MYO16: variants seen among roughly 807,000 people sequenced by gnomAD.
MYO16 encodes the protein unconventional myosin-XVI.
MYO16 carries 94 observed loss-of-function variants against 205.3 expected under a neutral mutation model. The ratio of observed to expected loss-of-function variants is 0.46; its 90% CI spans 0.39 to 0.54. The LOEUF (loss-of-function observed/expected upper bound fraction) is 0.54. Among genes scored for constraint, MYO16 ranks in the 20% least tolerant of loss-of-function variants. The probability of loss-of-function intolerance (pLI) is 0.00; values close to 1 mark genes in which losing one functional copy is unlikely to be tolerated. For missense variants in MYO16, 2,315 were observed against 2,387.5 expected (o/e 0.97, Z 0.63); for synonymous variants, 988 against 954.0 (o/e 1.04, Z -0.66).
intron 10 of MYO16, among the ~76,000 whole-genome samples, chr13:108,851,321 T>G (rs1396099967): frequency 6.6e-6 from 1 of 152,204 alleles, no homozygotes; most frequent in Non-Finnish European, 1.5e-5. Flanking sequence ...GGGGGTTGTC[T>G]ATATGTGTGT....
intron 16 of MYO16, among the ~76,000 whole-genome samples, chr13:108,927,586 T>G (rs2139281937): frequency 6.6e-6 from 1 of 152,314 alleles, no homozygotes; most frequent in African/African-American, 2.4e-5. Context: ...GACATGGAAG[T>G]ATATTTATAT....
intron 32 of MYO16, among the ~76,000 whole-genome samples, chr13:109,156,258 G>A (rs546444133): frequency 2.0e-5 from 3 of 152,272 alleles, no homozygotes; most frequent in Non-Finnish European, 4.4e-5. Context: ...GTCGAGCTGC[G>A]ACTTCTAAAT....
At chr13:109,084,359 A>ACAGG (rs896525804) in intron 27 of MYO16, among the ~76,000 whole-genome samples, 5 of 151,992 alleles carry the variant, frequency 3.3e-5, no homozygotes, top group African/African-American at 4.8e-5. Flanking sequence ...CAGGTTGATG[A>ACAGG]CTTGATGATG....
chr13:108,797,638 G>GT (rs1347214991), intron 6 of MYO16, among the ~76,000 whole-genome samples: 1 of 152,206 alleles, frequency 6.6e-6, no homozygotes, highest in African/African-American at 2.4e-5. Flanking sequence ...TTGGAGGACA[G>GT]TTTCAGTGGA....
intron 16 of MYO16, among the ~76,000 whole-genome samples, chr13:108,949,084 C>G (rs1004350429): frequency 6.6e-6 from 1 of 152,124 alleles, no homozygotes; most frequent in African/African-American, 2.4e-5. Flanking sequence ...TAATGAAAAC[C>G]ATTTCTTGTC....
chr13:109,172,007 C>T (rs1046837432), intron 33 of MYO16, among the ~76,000 whole-genome samples: 11 of 152,196 alleles, frequency 7.2e-5, no homozygotes, highest in Non-Finnish European at 1.5e-5. Context: ...AGGAAATCTG[C>T]ATTCTGTGCT....
chr13:108,496,032 C>G, the MYO16 span, among the ~76,000 whole-genome samples: 2 of 152,108 alleles, frequency 1.3e-5, no homozygotes. Flanking sequence ...TCTGCACCGC[C>G]GGGCTGGGGA....
At chr13:108,671,276 C>A (rs1566541325) in intron 2 of MYO16, among the ~76,000 whole-genome samples, 1 of 152,200 alleles carries the variant, frequency 6.6e-6, no homozygotes, top group African/African-American at 2.4e-5. Flanking sequence ...ATCACCCACA[C>A]ACAAACATAC....
chr13:108,658,501 A>C (rs1170828277), intron 1 of MYO16, among the ~76,000 whole-genome samples: 1 of 150,230 alleles, frequency 6.7e-6, no homozygotes, highest in Non-Finnish European at 1.5e-5. Flanking sequence ...ATTGACTTTA[A>C]AACTATATTC....
Position 108,855,279 on chromosome 13 carries a change from T to TC in MYO16, c.1249-164_1249-163insC, listed in dbSNP as rs1878107355. ...TACATTGCTCTGTGGCTTTAGAGTT[T>TC]TTTTTTTTTTTCTTTTTCATTGAAC... On this transcript the variant is annotated intron_variant, in intron 10 of 34. Transcript: ENST00000457511. 1.3e-5 allele frequency: 5 copies of TC among 384,644 alleles called. No individual in the cohort carries two copies. The South Asian group carries it at 3.5e-4, about 27-fold the overall frequency. 23.8% of individuals were successfully genotyped at this position (384,644 alleles called of 1,614,324 possible). A position where few individuals can be genotyped will look rare whatever the true frequency, so the allele number is the denominator to read the frequency against.
chr13:108,980,559 G>GA (rs1226323640), intron 20 of MYO16, among the ~76,000 whole-genome samples: 1 of 151,964 alleles, frequency 6.6e-6, no homozygotes, highest in Non-Finnish European at 1.5e-5. Flanking sequence ...GTCTGTCCCC[G>GA]AAAAAAACAC....
chr13:108,841,639 T>G (rs952375650), intron 9 of MYO16, among the ~76,000 whole-genome samples: 1 of 152,092 alleles, frequency 6.6e-6, no homozygotes, highest in Non-Finnish European at 1.5e-5. Flanking sequence ...ATAAATGAGT[T>G]GGATACAGAA....
At chr13:108,503,953 C>T in the MYO16 span, among the ~76,000 whole-genome samples, 6 of 138,258 alleles carry the variant, frequency 4.3e-5, no homozygotes, top group Non-Finnish European at 9.9e-5. Context: ...AAGAATTTAT[C>T]ATAGGTTTTA....
intron 4 of MYO16, among the ~76,000 whole-genome samples, chr13:108,780,456 AAAAG>A (rs1396815215): frequency 2.0e-5 from 3 of 151,626 alleles, no homozygotes; most frequent in Non-Finnish European, 2.9e-5. Flanking sequence ...GGGAAGAAGA[AAAAG>A]AAAGAGAGGA....
intron 32 of MYO16, among the ~76,000 whole-genome samples, chr13:109,163,469 T>TTCCCTCCAGCCCTCCCCACTCCC (rs1361482333): frequency 6.7e-6 from 1 of 148,712 alleles, no homozygotes; most frequent in East Asian, 2.1e-4. Context: ...CCTTCCTTCC[T>TTCCCTCCAGCCCTCCCCACTCCC]TCCTTCCCTC....
chr13:109,181,817 TTTTA>T (rs1457202127), intron 34 of MYO16, among the ~76,000 whole-genome samples: 2 of 81,226 alleles, frequency 2.5e-5, no homozygotes, highest in Non-Finnish European at 5.4e-5. Context: ...TATTTATTTA[TTTTA>T]TTTTATTTTT....
At chr13:108,741,786 T>A (rs987091392) in intron 4 of MYO16, among the ~76,000 whole-genome samples, 2 of 152,208 alleles carry the variant, frequency 1.3e-5, no homozygotes, top group Non-Finnish European at 2.9e-5. Context: ...ATAGAAGTCA[T>A]TGAAGCCCAG....
At chr13:108,506,431 T>C in the MYO16 span, among the ~76,000 whole-genome samples, 1 of 152,142 alleles carries the variant, frequency 6.6e-6, no homozygotes, top group African/African-American at 2.4e-5. Context: ...CTATTGTAAG[T>C]GGCATCATTT....
intron 9 of MYO16, among the ~76,000 whole-genome samples, chr13:108,842,074 C>G (rs998303025): frequency 6.6e-6 from 1 of 151,684 alleles, no homozygotes; most frequent in Non-Finnish European, 1.5e-5. Context: ...AAAATTAAGT[C>G]AAAATGGATG....
Sources: allele counts gnomAD v4.1 joint callset (sites outside exome capture counted in the v4.1 genomes callset), GRCh38; gene constraint gnomAD v4.1.1; transcripts MANE v1.5; gene names NCBI Gene and HGNC (gene_info 2026-07-23, HGNC 2026-07-21).